Variants in GRHL2 observed in about 807,000 individuals in gnomAD.
GRHL2 encodes grainyhead like transcription factor 2.
Under a neutral mutation model 83.8 loss-of-function variants are expected in GRHL2, and 21 were observed. The observed-to-expected ratio is 0.25, with a 90% CI of 0.18 to 0.36. The LOEUF is 0.36. GRHL2 is among the 10% of genes least tolerant of loss of function. The pLI is 1.00. For synonymous variants in GRHL2, 280 were observed against 278.9 expected, an observed-to-expected ratio of 1.00 and a Z score of -0.04; for missense variants, 623 against 781.8, an observed-to-expected ratio of 0.80 and a Z score of 2.42.
Position 101,514,442 on chromosome 8 carries a change from C to A in GRHL2, c.20+21653C>A, listed in dbSNP as rs928417381. ...AGCTACGCAAGGGAAGGAGAGCCCC[C>A]AGACTCTGAGGCAAGCCCAGCCCAA... On this transcript the variant is annotated intron_variant, in intron 1 of 15. Transcript: ENST00000646743. Among the ~76,000 whole-genome samples, 14 of 152,304 alleles carry A rather than the reference C, an allele frequency of 9.2e-5. No homozygotes were observed. In the South Asian group the frequency reaches 2.7e-3, roughly 29 times the overall value.
At chr8:101,561,750 C>T (rs541766732) in intron 4 of GRHL2, among the ~76,000 whole-genome samples, 1 of 152,302 alleles carries the variant, frequency 6.6e-6, no homozygotes, top group East Asian at 1.9e-4. Context: ...ATTTTACATC[C>T]ACAATTCACT....
At chr8:101,522,679 A>G (rs1400349276) in intron 1 of GRHL2, among the ~76,000 whole-genome samples, 1 of 150,032 alleles carries the variant, frequency 6.7e-6, no homozygotes, top group Non-Finnish European at 1.5e-5. Flanking sequence ...CACAAAAATG[A>G]GTACCTCAGG....
chr8:101,616,425 C>A (rs943922949), intron 8 of GRHL2, among the ~76,000 whole-genome samples: 2 of 152,164 alleles, frequency 1.3e-5, no homozygotes, highest in African/African-American at 4.8e-5. Context: ...CCCGCCTAAG[C>A]CTCTCAAAAT....
chr8:101,581,028 GC>G (rs1427707355), intron 7 of GRHL2, among the ~76,000 whole-genome samples: 1 of 152,156 alleles, frequency 6.6e-6, no homozygotes, highest in Non-Finnish European at 1.5e-5. Context: ...ATTATTCGAA[GC>G]CCTCTCTCCA....
In GRHL2 at chr8:101,548,221, C is replaced by A. The variant is rs1811305446; in HGVS notation, c.217-4494C>A. 3.3e-5 allele frequency among the ~76,000 whole-genome samples: 5 copies of A among 152,324 alleles called. No homozygotes were observed. In the South Asian group the frequency reaches 8.3e-4, roughly 25 times the overall value. On this transcript the variant is annotated intron_variant, in intron 2 of 15. Transcript: ENST00000646743. ...AAAAATATTCACTAAGTAGATATGA[C>A]CTCCCAGTAATGGGGGTAAATATTG...
At chr8:101,538,614 G>A (rs17476242) in intron 1 of GRHL2, among the ~76,000 whole-genome samples, 65,193 of 152,032 alleles carry the variant, frequency 0.43, 16,206 homozygotes, top group Non-Finnish European at 0.55. Flanking sequence ...GGATATTTAA[G>A]AAGCGGACCA....
intron 2 of GRHL2, among the ~76,000 whole-genome samples, chr8:101,544,278 C>T (rs571216915): frequency 1.1e-4 from 16 of 152,164 alleles, no homozygotes; most frequent in South Asian, 4.1e-4. Context: ...TGAACACTTT[C>T]GTGGAAGACT....
intron 14 of GRHL2, among the ~76,000 whole-genome samples, chr8:101,658,022 C>A (rs1813836505): frequency 6.6e-6 from 1 of 152,162 alleles, no homozygotes; most frequent in African/African-American, 2.4e-5. Flanking sequence ...TGACAGACAG[C>A]CAGCTTCCTC....
chr8:101,512,382 C>A (rs906158047), intron 1 of GRHL2, among the ~76,000 whole-genome samples: 1 of 152,134 alleles, frequency 6.6e-6, no homozygotes, highest in East Asian at 1.9e-4. Context: ...TTAGAACTTG[C>A]ACTTTTATTA....
intron 4 of GRHL2, among the ~76,000 whole-genome samples, chr8:101,566,566 CTATAATAATATAAA>C (rs1377673626): frequency 6.8e-6 from 1 of 146,302 alleles, no homozygotes; most frequent in Admixed American, 6.9e-5. Context: ...TATGTTATAA[CTATAATAATATAAA>C]TATAATAATA....
intron 13 of GRHL2, 78 bp downstream of exon 13, chr8:101,644,303 C>A (rs1813465474): frequency 8.8e-7 from 1 of 1,134,132 alleles, no homozygotes. Context: ...AGCCCTCTTG[C>A]CCAGGCCCCC....
the GRHL2 span, among the ~76,000 whole-genome samples, chr8:101,678,358 T>C: frequency 0.26 from 39,964 of 151,880 alleles, 5,695 homozygotes; most frequent in African/African-American, 0.35. Flanking sequence ...CCCACCCGAA[T>C]ACTGCGCTTT....
chr8:101,673,951 A>G (rs1432307238), downstream of GRHL2, among the ~76,000 whole-genome samples: 1 of 152,206 alleles, frequency 6.6e-6, no homozygotes, highest in Non-Finnish European at 1.5e-5. Context: ...CCGCTCCTGA[A>G]TGGCTACTGG....
chr8:101,653,578 T>G (rs1396415047), intron 14 of GRHL2, among the ~76,000 whole-genome samples: 1 of 152,054 alleles, frequency 6.6e-6, no homozygotes, highest in Non-Finnish European at 1.5e-5. Flanking sequence ...GGTGAAACCC[T>G]GTCTCTACCA....
intron 7 of GRHL2, among the ~76,000 whole-genome samples, chr8:101,579,411 C>T (rs767350867): frequency 6.6e-6 from 1 of 152,098 alleles, no homozygotes; most frequent in Non-Finnish European, 1.5e-5. Flanking sequence ...CATCTCTTGC[C>T]TGCCTTCAGA....
Position 101,632,355 on chromosome 8 carries a change from G to A in GRHL2, c.1475G>A (p.Arg492Lys). 6.2e-7 allele frequency: 1 copy of A among 1,613,896 alleles called. No individual in the cohort carries two copies. Among genetic ancestry groups the A allele is most frequent in the Non-Finnish European group, 8.5e-7 (1 of 1,179,840 alleles). ...GATGTTCACTTTGCAAACCTGCAGAGGACCGGACAGGTATGACCTACCAGC... is the reference window on the plus strand; with the variant it reads ...GATGTTCACTTTGCAAACCTGCAGAAGACCGGACAGGTATGACCTACCAGC... The part of the protein sequence containing the change: ...IPDVHFANLQ[R>K]TGQVYYNTDD... Residue 492 changes from arginine to lysine, a missense_variant, in exon 11 of 16, where the codon AGG (arginine) becomes AAG (lysine). By Grantham distance (26) the Arg-to-Lys change is conservative. This residue lies in a region of GRHL2 where 210 missense variants were observed against 254.8 expected (regional missense o/e 0.82). Transcript: ENST00000646743.
At chr8:101,614,766 A>G (rs1224454811) in intron 8 of GRHL2, among the ~76,000 whole-genome samples, 1 of 152,186 alleles carries the variant, frequency 6.6e-6, no homozygotes, top group Non-Finnish European at 1.5e-5. Context: ...TTTCCAAGCT[A>G]AGGCTTTAGT....
intron 1 of GRHL2, among the ~76,000 whole-genome samples, chr8:101,535,759 C>A (rs1338594561): frequency 6.6e-6 from 1 of 152,114 alleles, no homozygotes; most frequent in Non-Finnish European, 1.5e-5. Context: ...AGGCTGGTCT[C>A]GAACTCCTGA....
chr8:101,599,500 C>A (rs114465698), intron 8 of GRHL2, among the ~76,000 whole-genome samples: 2 of 152,202 alleles, frequency 1.3e-5, no homozygotes, highest in African/African-American at 4.8e-5. Flanking sequence ...GAGCTCAGAG[C>A]TGATGTCTTC....
Sources: gnomAD v4.1 joint callset for allele counts (sites outside exome capture counted in the v4.1 genomes callset) on GRCh38, gnomAD v4.1.1 for gene constraint, gnomAD v4.1.1 regional missense constraint, MANE v1.5 for transcripts, NCBI Gene and HGNC (gene_info 2026-07-23, HGNC 2026-07-21) for gene names.